Variants in CTNNA3 observed in about 807,000 individuals in gnomAD.
The protein encoded by CTNNA3 is catenin alpha 3.
Under a neutral mutation model 95.7 loss-of-function variants are expected in CTNNA3, and 76 were observed. The observed-to-expected ratio is 0.79, with a 90% confidence interval of 0.66 to 0.96. CTNNA3 has a LOEUF of 0.96. CTNNA3 is among the 40% of genes least tolerant of loss of function. The pLI is 0.00. For synonymous variants in CTNNA3, 431 were observed against 374.4 expected, an observed-to-expected ratio of 1.15 and a Z score of -1.74; for missense variants, 1,191 against 1,089.8, an observed-to-expected ratio of 1.09 and a Z score of -1.31.
intron 2 of CTNNA3, among the ~76,000 whole-genome samples, chr10:67,625,454 T>G (rs1443377617): frequency 6.6e-6 from 1 of 152,180 alleles, no homozygotes; most frequent in Non-Finnish European, 1.5e-5. Context: ...ATTTTTATAC[T>G]GCCACTTATA....
At chr10:66,455,564 A>T (rs909452881) in intron 11 of CTNNA3, among the ~76,000 whole-genome samples, 2 of 152,182 alleles carry the variant, frequency 1.3e-5, no homozygotes, top group Admixed American at 1.3e-4. Context: ...CAGTTTACAA[A>T]TGCCCAGCAA....
chr10:67,204,245 G>T (rs187419203), intron 6 of CTNNA3, among the ~76,000 whole-genome samples: 56 of 152,200 alleles, frequency 3.7e-4, no homozygotes, highest in Middle Eastern at 3.4e-3. Context: ...TTGGAGGAGG[G>T]GCTTGGCGGG....
intron 15 of CTNNA3, among the ~76,000 whole-genome samples, chr10:66,035,623 T>C (rs1384197521): frequency 6.6e-6 from 1 of 151,826 alleles, no homozygotes; most frequent in African/African-American, 2.4e-5. Flanking sequence ...AGGTGAAGTA[T>C]TTGGGGATGA....
chr10:66,713,352 C>G (rs1233463084), intron 9 of CTNNA3, among the ~76,000 whole-genome samples: 1 of 152,130 alleles, frequency 6.6e-6, no homozygotes, highest in African/African-American at 2.4e-5. Context: ...CAAAGTAACT[C>G]TAACCAGGGA....
At chr10:67,009,367 C>T (rs1852188425) in intron 7 of CTNNA3, among the ~76,000 whole-genome samples, 1 of 151,670 alleles carries the variant, frequency 6.6e-6, no homozygotes, top group Non-Finnish European at 1.5e-5. Context: ...ACTTGGTTTT[C>T]AGTCACATTT....
rs143815961 is a variant in CTNNA3 at position 67,472,197 on chromosome 10, C to T, written c.579+49645G>A. On this transcript the variant is annotated intron_variant, in intron 5 of 17. Coordinates refer to ENST00000433211, the MANE Select transcript of CTNNA3 (RefSeq NM_013266.4). ...TGATTTACAGCAGCCTACACTCCAG[C>T]CATATTAAAGTATTTGTACTTCCTG... Among the ~76,000 whole-genome samples the T allele has an allele frequency of 3.4e-3, 516 of 152,338 alleles. 7 individuals carry two copies. The highest frequency in any genetic ancestry group is 0.012 in the African/African-American group (495 of 41,572).
chr10:67,156,125 G>A (rs1261787915), intron 7 of CTNNA3, among the ~76,000 whole-genome samples: 1 of 151,860 alleles, frequency 6.6e-6, no homozygotes, highest in African/African-American at 2.4e-5. Flanking sequence ...TATTTCTGTT[G>A]TATCAGCTGT....
chr10:67,284,617 G>C (rs979259234), intron 5 of CTNNA3, among the ~76,000 whole-genome samples: 4 of 152,158 alleles, frequency 2.6e-5, no homozygotes, highest in African/African-American at 9.7e-5. Context: ...AAAGGTATTT[G>C]ATCAGGCTGA....
At chr10:66,966,552 AAAG>A (rs1046038681) in intron 7 of CTNNA3, among the ~76,000 whole-genome samples, 4 of 151,840 alleles carry the variant, frequency 2.6e-5, no homozygotes, top group Non-Finnish European at 5.9e-5. Context: ...TATCAGATTC[AAAG>A]AAGCTTTTTA....
chr10:67,670,396 G>T (rs1840408879), intron 1 of CTNNA3, among the ~76,000 whole-genome samples: 1 of 152,088 alleles, frequency 6.6e-6, no homozygotes, highest in African/African-American at 2.4e-5. Context: ...AATCAATTTT[G>T]CAAAACTTGT....
chr10:67,684,598 A>G (rs942593061), intron 1 of CTNNA3, among the ~76,000 whole-genome samples: 8 of 152,158 alleles, frequency 5.3e-5, no homozygotes, highest in Non-Finnish European at 1.0e-4. Context: ...GGATAGGGGC[A>G]AAGAAGGGGC....
At chr10:66,252,674 G>A (rs2090606526) in intron 13 of CTNNA3, among the ~76,000 whole-genome samples, 1 of 152,096 alleles carries the variant, frequency 6.6e-6, no homozygotes, top group Non-Finnish European at 1.5e-5. Flanking sequence ...AAAGAACCAA[G>A]AACGAATAAA....
intron 9 of CTNNA3, among the ~76,000 whole-genome samples, chr10:66,660,333 T>C (rs1846219950): frequency 6.6e-6 from 1 of 152,216 alleles, no homozygotes; most frequent in South Asian, 2.1e-4. Context: ...TTTAACTCAC[T>C]GGTTTTTGAT....
intron 5 of CTNNA3, among the ~76,000 whole-genome samples, chr10:67,477,848 C>T (rs923593888): frequency 1.3e-5 from 2 of 152,058 alleles, no homozygotes; most frequent in African/African-American, 4.8e-5. Context: ...AAAATGGAAA[C>T]ATAGAAGTTA....
At chr10:67,488,719 G>T (rs530211378) in intron 5 of CTNNA3, among the ~76,000 whole-genome samples, 4 of 147,870 alleles carry the variant, frequency 2.7e-5, no homozygotes, top group Admixed American at 2.7e-4. Context: ...ACCTAGGCTG[G>T]AGTGCAATGG....
chr10:67,371,057 G>A lies in CTNNA3; in HGVS notation c.579+150785C>T, dbSNP rs1055073449. Among the ~76,000 whole-genome samples the A allele has an allele frequency of 4.2e-4, 63 of 151,286 alleles. No homozygotes were observed. The Middle Eastern group carries it at 0.014, about 33-fold the overall frequency. ...AATTTTTTGTATTTTTAGTAGAGAC[G>A]GGGTTTCACCGTTTTAGCCTGGATG... On this transcript the variant is annotated intron_variant, in intron 5 of 17. Coordinates refer to ENST00000433211, the MANE Select transcript of CTNNA3 (RefSeq NM_013266.4).
At chr10:67,377,583 TG>T (rs924179719) in intron 5 of CTNNA3, among the ~76,000 whole-genome samples, 7 of 152,112 alleles carry the variant, frequency 4.6e-5, no homozygotes, top group African/African-American at 1.7e-4. Flanking sequence ...TGCTGAATTC[TG>T]AGATGTTTTT....
At chr10:66,258,712 C>T (rs1362587495) in intron 13 of CTNNA3, among the ~76,000 whole-genome samples, 1 of 152,082 alleles carries the variant, frequency 6.6e-6, no homozygotes, top group East Asian at 1.9e-4. Context: ...CTAGGAATCC[C>T]TCCCCACCTC....
At chr10:66,053,472 G>T (rs539766433) in intron 15 of CTNNA3, among the ~76,000 whole-genome samples, 1 of 151,990 alleles carries the variant, frequency 6.6e-6, no homozygotes, top group Non-Finnish European at 1.5e-5. Flanking sequence ...GGAGCATGGG[G>T]TATCCATCCT....
Sources: gnomAD v4.1 joint callset for allele counts (sites outside exome capture counted in the v4.1 genomes callset) on GRCh38, gnomAD v4.1.1 for gene constraint, MANE v1.5 for transcripts, NCBI Gene and HGNC (gene_info 2026-07-23, HGNC 2026-07-21) for gene names.